The following ARHGAP39 variants were observed in gnomAD, a reference collection of about 807,000 sequenced individuals.
The protein encoded by ARHGAP39 is Rho GTPase activating protein 39.
Under a neutral mutation model 106.9 loss-of-function variants are expected in ARHGAP39, and 44 were observed. The observed-to-expected ratio is 0.41, with a 90% CI of 0.32 to 0.53. ARHGAP39 has a LOEUF of 0.53. ARHGAP39 is among the 20% of genes least tolerant of loss of function. ARHGAP39 has a pLI of 0.21. For missense variants in ARHGAP39, 1,496 were observed against 1,577.3 expected, an observed-to-expected ratio of 0.95 and a Z score of 0.87; for synonymous variants, 768 against 693.2, an observed-to-expected ratio of 1.11 and a Z score of -1.69.
At chr8:144,698,895 G>A in the ARHGAP39 span, 7 of 455,738 alleles carry the variant, frequency 1.5e-5, no homozygotes, top group Non-Finnish European at 2.6e-5. Flanking sequence ...CCTTGGGGGG[G>A]TTGGGGGGTC....
At chr8:144,545,943 C>T (rs779865110) in intron 5 of ARHGAP39, 133 bp from the exon 6 acceptor site, 52 of 727,340 alleles carry the variant, frequency 7.1e-5, no homozygotes, top group Non-Finnish European at 1.1e-4. Flanking sequence ...CTGCCCTGCT[C>T]ACCACAAAGC....
intron 1 of ARHGAP39, among the ~76,000 whole-genome samples, chr8:144,668,408 T>C (rs1822016557): frequency 6.6e-6 from 1 of 152,112 alleles, no homozygotes; most frequent in South Asian, 2.1e-4. Flanking sequence ...GCCACTGCAC[T>C]CCATCATGGG....
chr8:144,530,273 G>C lies in ARHGAP39; in HGVS notation c.*149C>G. 3 of 861,226 alleles carry C rather than the reference G, an allele frequency of 3.5e-6. No individual in the cohort carries two copies. Among genetic ancestry groups the C allele is most frequent in the Non-Finnish European group, 5.2e-6 (3 of 572,524 alleles). The allele number at this position is 861,226 out of a possible 1,614,324, so 53.3% of individuals were successfully genotyped here. ...TGCACCCTCAGACCAGGCAGAAGAC[G>C]TGGGGAGCGCCGGGGCCAGGGGCCT... On this transcript the variant is annotated 3_prime_UTR_variant, in exon 12 of 12. Coordinates refer to ENST00000377307, the MANE Select transcript of ARHGAP39 (RefSeq NM_025251.3).
At chr8:144,656,705 G>A (rs2129667417) in intron 1 of ARHGAP39, among the ~76,000 whole-genome samples, 1 of 150,206 alleles carries the variant, frequency 6.7e-6, no homozygotes, top group East Asian at 2.0e-4. Context: ...CTACTTGGGA[G>A]GCTGAGATAG....
intron 3 of ARHGAP39, among the ~76,000 whole-genome samples, chr8:144,578,899 A>G (rs759250579): frequency 8.5e-5 from 13 of 152,066 alleles, no homozygotes; most frequent in Non-Finnish European, 1.3e-4. Flanking sequence ...TGTTTTTCAA[A>G]TGATACCATC....
intron 1 of ARHGAP39, among the ~76,000 whole-genome samples, chr8:144,660,475 T>A (rs1439710078): frequency 6.6e-6 from 1 of 152,214 alleles, no homozygotes; most frequent in Non-Finnish European, 1.5e-5. Context: ...TCCTTGGAAC[T>A]GCACTGTGCA....
rs1254668078 is a variant in ARHGAP39 at position 144,646,451 on chromosome 8, T to A, written c.-82+39235A>T. Reference sequence around the variant, plus strand: ...TATCGATAGCCAAAAAACTAAATTTTAAAAAATCACCAAAAAAAGTGTGGA... The same window carrying A: ...TATCGATAGCCAAAAAACTAAATTTAAAAAAATCACCAAAAAAAGTGTGGA... On this transcript the variant is annotated intron_variant, in intron 1 of 11. Transcript: ENST00000377307. This position sits in a 1 kb window ranked among gnomAD's most constrained non-coding sequence, Gnocchi z 5.7. 6.6e-6 allele frequency among the ~76,000 whole-genome samples: 1 copy of A among 151,836 alleles called. No homozygotes were observed. Among genetic ancestry groups the A allele is most frequent in the East Asian group, 1.9e-4 (1 of 5,180 alleles).
intron 2 of ARHGAP39, among the ~76,000 whole-genome samples, chr8:144,601,618 G>GTC (rs1359917626): frequency 2.1e-4 from 30 of 144,074 alleles, no homozygotes; most frequent in East Asian, 4.2e-4. Context: ...ATCTGTGTGT[G>GTC]CATGGAGGCG....
chr8:144,607,584 G>T (rs1246144021), intron 1 of ARHGAP39, among the ~76,000 whole-genome samples: 5 of 152,146 alleles, frequency 3.3e-5, no homozygotes, highest in South Asian at 4.1e-4. Flanking sequence ...CCCCCCAGGA[G>T]AGGCCATTCC....
intron 2 of ARHGAP39, among the ~76,000 whole-genome samples, chr8:144,600,941 CAT>C (rs547431048): frequency 1.8e-3 from 236 of 133,968 alleles, no homozygotes; most frequent in Middle Eastern, 6.5e-3. Flanking sequence ...TGTGTGGAGG[CAT>C]GTGTGTGCTC....
At chr8:144,566,231 A>G (rs944341484) in intron 3 of ARHGAP39, among the ~76,000 whole-genome samples, 2 of 152,212 alleles carry the variant, frequency 1.3e-5, no homozygotes, top group African/African-American at 4.8e-5. Flanking sequence ...ATAAACCCCT[A>G]TCTTAATCAA....
rs551841805 is a variant in ARHGAP39, at chr8:144,674,871, G to A, written c.-82+10815C>T. 2.2e-4 allele frequency among the ~76,000 whole-genome samples: 33 copies of A among 152,342 alleles called. No individual in the cohort carries two copies. In the East Asian group the frequency reaches 6.0e-3, roughly 28 times the overall value. Reference sequence around the variant, plus strand: ...CTGGCCAGGTTGCAACAGTGCCTGGGCTCAGCCTCAACTTTGTTCCAAAAT... The same window carrying A: ...CTGGCCAGGTTGCAACAGTGCCTGGACTCAGCCTCAACTTTGTTCCAAAAT... On this transcript the variant is annotated intron_variant, in intron 1 of 11. Transcript: ENST00000377307.
At chr8:144,696,428 G>A in the ARHGAP39 span, among the ~76,000 whole-genome samples, 12 of 152,226 alleles carry the variant, frequency 7.9e-5, no homozygotes, top group Admixed American at 4.6e-4. Flanking sequence ...GTGAGCCACC[G>A]CACCTGGCCG....
chr8:144,651,678 GC>G (rs1315692197), intron 1 of ARHGAP39, among the ~76,000 whole-genome samples: 3 of 152,074 alleles, frequency 2.0e-5, no homozygotes, highest in African/African-American at 7.2e-5. Flanking sequence ...CTGCACTCCA[GC>G]CTGGATGATA....
At chr8:144,662,991 G>T (rs1821872614) in intron 1 of ARHGAP39, among the ~76,000 whole-genome samples, 1 of 124,434 alleles carries the variant, frequency 8.0e-6, no homozygotes, top group Admixed American at 9.7e-5. Context: ...TATTCACCTT[G>T]GACCAGTCCT....
At position 144,667,704 on chromosome 8, in the gene ARHGAP39, C is replaced by T. The variant is rs1035140251; in HGVS notation, c.-82+17982G>A. ...GGCACCTGGACTTGAATCCTGGCTC[C>T]GCCTACTAGTTGTGTGACCCTGGTG... On this transcript the variant is annotated intron_variant, in intron 1 of 11. Coordinates refer to ENST00000377307, the MANE Select transcript of ARHGAP39 (RefSeq NM_025251.3). Among the ~76,000 whole-genome samples the T allele has an allele frequency of 2.6e-5, 4 of 152,316 alleles. No individual in the cohort carries two copies. The East Asian group carries it at 5.8e-4, about 22-fold the overall frequency.
At chr8:144,659,524 C>A (rs1229064683) in intron 1 of ARHGAP39, among the ~76,000 whole-genome samples, 47 of 152,198 alleles carry the variant, frequency 3.1e-4, no homozygotes, top group Admixed American at 3.1e-3. Flanking sequence ...TCAATCACAC[C>A]AGCCCTCTGA....
chr8:144,540,110 A>G (rs1001271523), intron 6 of ARHGAP39, among the ~76,000 whole-genome samples: 1 of 152,140 alleles, frequency 6.6e-6, no homozygotes, highest in South Asian at 2.1e-4. Context: ...TGTCAGATCT[A>G]TCTCTAAGTA....
intron 2 of ARHGAP39, among the ~76,000 whole-genome samples, chr8:144,601,704 TGTG>T (rs1197911458): frequency 1.7e-5 from 2 of 120,232 alleles, no homozygotes; most frequent in African/African-American, 3.3e-5. Flanking sequence ...ATGTGTGTGG[TGTG>T]TGTGTGAGCT....
Sources: gnomAD v4.1 joint callset for allele counts (sites outside exome capture counted in the v4.1 genomes callset) on GRCh38, gnomAD v4.1.1 for gene constraint, Gnocchi (gnomAD v3.1) non-coding constraint, MANE v1.5 for transcripts, NCBI Gene and HGNC (gene_info 2026-07-23, HGNC 2026-07-21) for gene names.